ARHGAP26: variants seen among roughly 807,000 people sequenced by gnomAD.
ARHGAP26 encodes the protein Rho GTPase activating protein 26.
In ARHGAP26, 38 loss-of-function variants were observed where a neutral mutation model predicts 104.8. That is an observed-to-expected ratio of 0.36 (90% CI 0.28 to 0.48). The LOEUF (loss-of-function observed/expected upper bound fraction) is 0.48, where lower values mean the gene tolerates loss of function less well. Among genes scored for constraint, ARHGAP26 ranks in the 20% least tolerant of loss-of-function variants. ARHGAP26 has a pLI of 0.99. For synonymous variants in ARHGAP26, 341 were observed against 340.0 expected (o/e 1.00, Z -0.03); for missense variants, 704 against 947.9 (o/e 0.74, Z 3.38).
intron 20 of ARHGAP26, among the ~76,000 whole-genome samples, chr5:143,157,249 C>T (rs1395867395): frequency 1.3e-5 from 2 of 151,338 alleles, no homozygotes; most frequent in East Asian, 1.9e-4. Context: ...TAATCTTAGC[C>T]CACTGCAACC....
At chr5:142,812,009 A>G (rs1034801289) in intron 1 of ARHGAP26, among the ~76,000 whole-genome samples, 3 of 152,026 alleles carry the variant, frequency 2.0e-5, no homozygotes, top group African/African-American at 7.2e-5. Context: ...CTTACTCATC[A>G]CCTAGCTGCT....
At chr5:142,838,702 A>G (rs1235025360) in intron 1 of ARHGAP26, among the ~76,000 whole-genome samples, 1 of 152,252 alleles carries the variant, frequency 6.6e-6, no homozygotes, top group African/African-American at 2.4e-5. Flanking sequence ...TTTGCTACAA[A>G]TGCACAGAAC....
Position 143,015,129 on chromosome 5 carries a change from GA to G in ARHGAP26, c.1144+1022del, listed in dbSNP as rs563902762. 2.0e-3 allele frequency among the ~76,000 whole-genome samples: 297 copies of G among 149,048 alleles called. 3 individuals carry two copies. Among genetic ancestry groups the G allele is most frequent in the South Asian group, 0.018 (86 of 4,708 alleles). ...GTAGGTTGAGAGGCCTTTATGAGAT[GA>G]AAAAAAAATGTTCCCCTCCACCTCC... is the stretch of plus-strand genomic sequence containing the variant. On this transcript the variant is annotated intron_variant, in intron 12 of 22. Coordinates refer to ENST00000645722, the MANE Select transcript of ARHGAP26 (RefSeq NM_001135608.3).
chr5:142,891,446 CG>C (rs1421639901), intron 5 of ARHGAP26, among the ~76,000 whole-genome samples: 2 of 151,888 alleles, frequency 1.3e-5, no homozygotes, highest in Non-Finnish European at 2.9e-5. Context: ...TATATTCTTT[CG>C]GGGTGTTTTA....
intron 10 of ARHGAP26, among the ~76,000 whole-genome samples, chr5:142,923,560 G>A (rs1763481486): frequency 6.6e-6 from 1 of 152,140 alleles, no homozygotes; most frequent in Non-Finnish European, 1.5e-5. Flanking sequence ...ACATTTGCTT[G>A]CTTCTATGTC....
chr5:142,945,869 T>C (rs1767030672), intron 11 of ARHGAP26, among the ~76,000 whole-genome samples: 1 of 152,196 alleles, frequency 6.6e-6, no homozygotes, highest in African/African-American at 2.4e-5. Flanking sequence ...CTAATATATA[T>C]ATTTTTCTGG....
intron 11 of ARHGAP26, among the ~76,000 whole-genome samples, chr5:142,996,486 C>CT (rs1776414673): frequency 6.6e-6 from 1 of 152,108 alleles, no homozygotes; most frequent in African/African-American, 2.4e-5. Context: ...GAGCAAGACT[C>CT]TGTCTTGAAA....
intron 14 of ARHGAP26, among the ~76,000 whole-genome samples, chr5:143,049,503 T>G (rs1784684722): frequency 6.6e-6 from 1 of 152,190 alleles, no homozygotes; most frequent in Admixed American, 6.5e-5. Flanking sequence ...ATCCATATTT[T>G]TAGGATTTTA....
chr5:143,023,935 C>A (rs1420566403), intron 12 of ARHGAP26, among the ~76,000 whole-genome samples: 1 of 152,220 alleles, frequency 6.6e-6, no homozygotes, highest in African/African-American at 2.4e-5. Flanking sequence ...GTTTCCGTGG[C>A]CACCACTTTC....
At chr5:143,204,553 G>A (rs957696049) in intron 20 of ARHGAP26, among the ~76,000 whole-genome samples, 1 of 152,148 alleles carries the variant, frequency 6.6e-6, no homozygotes, top group Non-Finnish European at 1.5e-5. Context: ...TTGATACTAC[G>A]GTAATTGACA....
At position 142,854,978 on chromosome 5, in the gene ARHGAP26, C is replaced by T. The variant is rs1351809235; in HGVS notation, c.155-18422C>T. 4.6e-5 allele frequency among the ~76,000 whole-genome samples: 7 copies of T among 152,278 alleles called. No homozygotes were observed. In the East Asian group the frequency reaches 7.7e-4, roughly 17 times the overall value. The stretch of plus-strand genomic sequence containing the variant: ...TCTCCTTCAGCTTGTGGTATCCTTC[C>T]CTTGCCTCCACATCATATATGACAG... On this transcript the variant is annotated intron_variant, in intron 1 of 22. Transcript: ENST00000645722.
intron 1 of ARHGAP26, among the ~76,000 whole-genome samples, chr5:142,838,312 T>C (rs1770030928): frequency 6.6e-6 from 1 of 152,168 alleles, no homozygotes; most frequent in African/African-American, 2.4e-5. Flanking sequence ...GTAGTAATGT[T>C]TGTATGGTAC....
At chr5:142,899,454 A>G (rs939261509) in intron 6 of ARHGAP26, among the ~76,000 whole-genome samples, 4 of 152,216 alleles carry the variant, frequency 2.6e-5, no homozygotes, top group Non-Finnish European at 5.9e-5. Context: ...TAACAAGGAT[A>G]GAGAAGGAGG....
chr5:142,856,556 C>T (rs1174851381), intron 1 of ARHGAP26, among the ~76,000 whole-genome samples: 1 of 152,220 alleles, frequency 6.6e-6, no homozygotes, highest in Non-Finnish European at 1.5e-5. Flanking sequence ...TTTAGGCTGA[C>T]ATCACAAATT....
chr5:142,841,607 A>G (rs1770819511), intron 1 of ARHGAP26, among the ~76,000 whole-genome samples: 1 of 152,168 alleles, frequency 6.6e-6, no homozygotes. Flanking sequence ...TCTGATGGAA[A>G]CTGTAGATTT....
intron 17 of ARHGAP26, among the ~76,000 whole-genome samples, chr5:143,094,706 C>A (rs371434818): frequency 6.6e-6 from 1 of 152,186 alleles, no homozygotes; most frequent in South Asian, 2.1e-4. Context: ...CTATGTCATT[C>A]CCCTATTGGC....
intron 10 of ARHGAP26, chr5:142,919,348 A>G (rs1455495953): frequency 6.0e-5 from 24 of 398,692 alleles, no homozygotes; most frequent in East Asian, 5.3e-4. Flanking sequence ...GAGGAGAGGC[A>G]TGGAGCAGAT....
At chr5:142,844,189 T>TA (rs946983052) in intron 1 of ARHGAP26, among the ~76,000 whole-genome samples, 13 of 151,780 alleles carry the variant, frequency 8.6e-5, no homozygotes, top group African/African-American at 3.1e-4. Flanking sequence ...TAGCTGGGAT[T>TA]ATAGGTACCC....
chr5:143,083,258 C>G (rs1367696970), intron 17 of ARHGAP26, among the ~76,000 whole-genome samples: 5 of 152,190 alleles, frequency 3.3e-5, no homozygotes, highest in Non-Finnish European at 5.9e-5. Flanking sequence ...CCTAAAATTC[C>G]GGCTGTATTT....
Sources: allele counts gnomAD v4.1 joint callset (sites outside exome capture counted in the v4.1 genomes callset), GRCh38; gene constraint gnomAD v4.1.1; transcripts MANE v1.5; gene names NCBI Gene and HGNC (gene_info 2026-07-23, HGNC 2026-07-21).